Variants in DNAH17 observed in about 807,000 individuals in gnomAD.
The protein encoded by DNAH17 is dynein axonemal heavy chain 17, also known as axonemal beta dynein heavy chain 17.
A neutral mutation model predicts 485.6 loss-of-function variants in DNAH17; 376 were observed. The ratio of observed to expected loss-of-function variants is 0.77; its 90% CI spans 0.71 to 0.84. DNAH17 has a LOEUF of 0.84. DNAH17 is among the 40% of genes least tolerant of loss of function. The probability of loss-of-function intolerance (pLI) is 0.00; values close to 1 mark genes in which losing one functional copy is unlikely to be tolerated. For missense variants in DNAH17, 6,370 were observed against 5,839.3 expected (o/e 1.09, Z -2.96); for synonymous variants, 3,031 against 2,405.9 (o/e 1.26, Z -7.60).
rs966244766 is a variant in DNAH17 at position 78,525,181 on chromosome 17, C to A, written c.3712-20G>T. 3 of 1,608,376 alleles carry A rather than the reference C, an allele frequency of 1.9e-6. No individual in the cohort carries two copies. The African/African-American group carries it at 4.0e-5, about 21-fold the overall frequency. ...TTGTTGCTAGGGGCGGCGAGGGGGC[C>A]GTCAGTAGGGCTACCTACCCTCAGC... is the stretch of plus-strand genomic sequence containing the variant. On this transcript the variant is annotated intron_variant, in intron 24 of 80. Coordinates refer to ENST00000389840, the MANE Select transcript of DNAH17 (RefSeq NM_173628.4).
Position 78,501,799 on chromosome 17 carries a change from G to A in DNAH17, c.5265C>T (p.Thr1755=), listed in dbSNP as rs754246724. The A allele has an allele frequency of 8.1e-6, 13 of 1,613,976 alleles. No individual in the cohort carries two copies. Among genetic ancestry groups the A allele is most frequent in the South Asian group, 2.2e-5 (2 of 91,088 alleles). Residue 1755 remains threonine, a synonymous_variant, in exon 34 of 81, where the codon ACC becomes ACT. Coordinates refer to ENST00000389840, the MANE Select transcript of DNAH17 (RefSeq NM_173628.4). ...LNAGDRMKIM[T]ICTIDVHARD... is the part of the protein sequence containing the mutation. ...GTGCGTGCACATCGATGGTGCAGAT[G>A]GTCATGATCTTCATCCTGTCGCCAG...
chr17:78,477,495 G>A (rs1397331072), intron 51 of DNAH17, among the ~76,000 whole-genome samples: 1 of 152,098 alleles, frequency 6.6e-6, no homozygotes, highest in Non-Finnish European at 1.5e-5. Flanking sequence ...TCTCACATCA[G>A]CCTCCCGAGT....
intron 72 of DNAH17, 139 bp from the exon 73 acceptor site, chr17:78,439,356 G>T: frequency 2.0e-6 from 2 of 1,012,140 alleles, no homozygotes; most frequent in Non-Finnish European, 2.8e-6. Flanking sequence ...AAAACTTGCT[G>T]TTTTAAAACC....
intron 64 of DNAH17, among the ~76,000 whole-genome samples, 193 bp from the exon 65 acceptor site, chr17:78,453,658 C>T (rs189895190): frequency 7.9e-5 from 12 of 152,342 alleles, no homozygotes; most frequent in Middle Eastern, 3.4e-3. Context: ...AAACTGCCCC[C>T]GTGCTCTTAT....
At chr17:78,507,181 T>A in intron 29 of DNAH17, 97 bp downstream of exon 29, 1 of 1,431,342 alleles carries the variant, frequency 7.0e-7, no homozygotes, top group South Asian at 1.2e-5. Flanking sequence ...TGCCCTGTCC[T>A]GGCCAGCAGG....
At chr17:78,527,534 C>T (rs1043405306) in intron 22 of DNAH17, among the ~76,000 whole-genome samples, 2 of 151,284 alleles carry the variant, frequency 1.3e-5, no homozygotes, top group African/African-American at 4.8e-5. Flanking sequence ...GGTGTGGTCT[C>T]CCATGCAATT....
chr17:78,560,220 T>C (rs1006136959), intron 13 of DNAH17, among the ~76,000 whole-genome samples: 2 of 152,188 alleles, frequency 1.3e-5, no homozygotes, highest in Non-Finnish European at 2.9e-5. Flanking sequence ...CAGTAAGTAT[T>C]TGGTGAACGA....
Position 78,532,474 on chromosome 17 carries a change from G to C in DNAH17, c.3114+8C>G, listed in dbSNP as rs1483793164. On this transcript the variant is annotated splice_region_variant and intron_variant, in intron 20 of 80. Transcript: ENST00000389840. ...ACAAGGAGGCTGGTGGGTGAGGTCTGCACGCACCTGCTCCTGGAACTGAGC... is the reference window on the plus strand; with the variant it reads ...ACAAGGAGGCTGGTGGGTGAGGTCTCCACGCACCTGCTCCTGGAACTGAGC... 1 of 1,605,938 alleles carries C rather than the reference G, an allele frequency of 6.2e-7. No homozygotes were observed. The highest frequency in any genetic ancestry group is 1.3e-5 in the African/African-American group (1 of 74,818).
Position 78,501,868 on chromosome 17 carries a change from G to A in DNAH17, c.5196C>T (p.Ser1732=), listed in dbSNP as rs765697545. Residue 1732 remains serine (S), a synonymous_variant, in exon 34 of 81, where the codon AGC becomes AGT. Transcript: ENST00000389840. Reference sequence around the variant, plus strand: ...GCAGCGTGATGAGTACGTTCAGCTGGCTAATCTGCGGGGGAGAGTGCCTTC... The same window carrying A: ...GCAGCGTGATGAGTACGTTCAGCTGACTAATCTGCGGGGGAGAGTGCCTTC... The part of the protein sequence containing the change: ...AIRDYNKKQI[S]QLNVLITLLM... 1 of 1,613,986 alleles carries A rather than the reference G, an allele frequency of 6.2e-7. No homozygotes were observed. The highest frequency in any genetic ancestry group is 1.7e-5 in the Admixed American group (1 of 60,028).
intron 11 of DNAH17, among the ~76,000 whole-genome samples, chr17:78,564,696 A>G (rs2143679259): frequency 6.6e-6 from 1 of 152,292 alleles, no homozygotes; most frequent in Non-Finnish European, 1.5e-5. Context: ...TGTGCACTGC[A>G]GGAAATACTC....
intron 22 of DNAH17, among the ~76,000 whole-genome samples, chr17:78,529,021 G>A (rs542309718): frequency 6.0e-5 from 9 of 151,152 alleles, no homozygotes; most frequent in African/African-American, 9.7e-5. Flanking sequence ...TCAGCTCACT[G>A]CAACATCTGC....
At chr17:78,534,363 T>C (rs1232111284) in intron 19 of DNAH17, among the ~76,000 whole-genome samples, 1 of 151,904 alleles carries the variant, frequency 6.6e-6, no homozygotes, top group South Asian at 2.1e-4. Flanking sequence ...GGGGCTGGGA[T>C]GGAAGGGGAA....
Position 78,479,493 on chromosome 17 carries a change from G to A in DNAH17, c.7892C>T (p.Ala2631Val), listed in dbSNP as rs371596245. 4.5e-5 allele frequency: 72 copies of A among 1,611,052 alleles called. No individual in the cohort carries two copies. The highest frequency in any genetic ancestry group is 1.6e-4 in the African/African-American group (12 of 74,850). Reference protein sequence around the residue: ...IQRISSQLVAAALALHQKITA... With the variant: ...IQRISSQLVAVALALHQKITA... ...GAGGCCAGCCAGCTTACCCAGGGCCGCGGCCACCAGCTGGCTGCTTATCCT... is the reference window on the plus strand; with the variant it reads ...GAGGCCAGCCAGCTTACCCAGGGCCACGGCCACCAGCTGGCTGCTTATCCT... The change falls in exon 50 of 81, where the codon GCG becomes GTG. Residue 2631 changes from alanine to valine, a missense_variant. Coordinates refer to ENST00000389840, the MANE Select transcript of DNAH17 (RefSeq NM_173628.4).
Position 78,479,127 on chromosome 17 carries a change from A to T in DNAH17, c.7901-11T>A. On this transcript the variant is annotated splice_polypyrimidine_tract_variant and intron_variant, in intron 50 of 80. Transcript: ENST00000389840. ...TTTTCTGATGCAAAGCTGTTAGAGG[A>T]AAAGGACGTGTCAATTCTCATGTAC... 1 of 1,613,046 alleles carries T rather than the reference A, an allele frequency of 6.2e-7. No individual in the cohort carries two copies. The highest frequency in any genetic ancestry group is 8.5e-7 in the Non-Finnish European group (1 of 1,179,354).
chr17:78,540,130 T>TC (rs1598674203), intron 17 of DNAH17, among the ~76,000 whole-genome samples: 1 of 151,678 alleles, frequency 6.6e-6, no homozygotes, highest in African/African-American at 2.4e-5. Flanking sequence ...CCCAAAGGAA[T>TC]CCTCCATCTC....
chr17:78,430,177 GT>G (rs2086624367), intron 75 of DNAH17, among the ~76,000 whole-genome samples: 1 of 152,190 alleles, frequency 6.6e-6, no homozygotes, highest in Non-Finnish European at 1.5e-5. Flanking sequence ...CCATGTGCCC[GT>G]TTTGGAGCCT....
rs200746879 is a variant in DNAH17, at chr17:78,550,741, AAC to A, written c.2391+792_2391+793del. On this transcript the variant is annotated intron_variant, in intron 16 of 80. Transcript: ENST00000389840. ...GCAGTTTGTGATGGCCGCCCTAGCA[AAC>A]ACACACAGGGCCGTTTCTGGAGCAG... Among the ~76,000 whole-genome samples the A allele has an allele frequency of 6.7e-3, 1,027 of 152,294 alleles. 8 individuals carry two copies. Among genetic ancestry groups the A allele is most frequent in the Admixed American group, 0.012 (178 of 15,306 alleles).
At chr17:78,448,203 A>G (rs926183565) in intron 69 of DNAH17, among the ~76,000 whole-genome samples, 2 of 133,188 alleles carry the variant, frequency 1.5e-5, no homozygotes, top group Non-Finnish European at 3.0e-5. Flanking sequence ...ACCAGAACAG[A>G]AAAAAAAAAA....
Position 78,429,300 on chromosome 17 carries a change from C to T in DNAH17, c.12226G>A (p.Val4076Met). ...AGGTAGCGGAGATCGTCCCAGGGCA[C>T]CTGAGGAAGGATGACAGCGGGTAGG... Reference protein sequence around the residue: ...LYNYLEANPKVPWDDLRYLFG... With the variant: ...LYNYLEANPKMPWDDLRYLFG... Residue 4076 changes from valine (V) to methionine (M), a missense_variant and splice_region_variant, in exon 76 of 81, where the codon GTG (valine) becomes ATG (methionine). Transcript: ENST00000389840. 6.2e-7 allele frequency: 1 copy of T among 1,612,764 alleles called. No homozygotes were observed. Among genetic ancestry groups the T allele is most frequent in the Admixed American group, 1.7e-5 (1 of 59,990 alleles).
Sources: gnomAD v4.1 joint callset for allele counts (sites outside exome capture counted in the v4.1 genomes callset) on GRCh38, gnomAD v4.1.1 for gene constraint, MANE v1.5 for transcripts, NCBI Gene and HGNC (gene_info 2026-07-23, HGNC 2026-07-21) for gene names.